Variants in ZNF324B observed in about 807,000 individuals in gnomAD.
ZNF324B encodes zinc finger protein 324B.
In ZNF324B, 7 loss-of-function variants were observed where a neutral mutation model predicts 10.6. The observed-to-expected ratio is 0.66, with a 90% confidence interval of 0.38 to 1.24. ZNF324B has a LOEUF of 1.24. Among genes scored for constraint, ZNF324B ranks in the 50% most tolerant of loss-of-function variants. ZNF324B has a pLI of 0.02. For synonymous variants in ZNF324B, 316 were observed against 321.0 expected (o/e 0.98, Z 0.17); for missense variants, 640 against 764.7 (o/e 0.84, Z 1.92).
chr19:58,453,033 C>G (rs1232180089), intron 1 of ZNF324B, among the ~76,000 whole-genome samples: 3 of 151,726 alleles, frequency 2.0e-5, no homozygotes, highest in Admixed American at 6.6e-5. Flanking sequence ...CGAGATTGCC[C>G]CACTGCACTC....
At chr19:58,421,024 C>T in the ZNF324B span, among the ~76,000 whole-genome samples, 10 of 149,628 alleles carry the variant, frequency 6.7e-5, no homozygotes, top group Admixed American at 1.3e-4. Flanking sequence ...CTTTTAAAGA[C>T]ATACGAGATG....
the ZNF324B span, chr19:58,443,425 C>T: frequency 3.9e-5 from 6 of 152,316 alleles, no homozygotes; most frequent in Non-Finnish European, 8.8e-5. Context: ...ATAAACAACC[C>T]CCACACCTTC....
At chr19:58,427,088 A>C in the ZNF324B span, among the ~76,000 whole-genome samples, 2 of 151,966 alleles carry the variant, frequency 1.3e-5, no homozygotes, top group East Asian at 3.9e-4. Flanking sequence ...GTAGGACTCT[A>C]CTCATGTATT....
At chr19:58,433,645 T>A in the ZNF324B span, 3 of 1,614,164 alleles carry the variant, frequency 1.9e-6, no homozygotes, top group Non-Finnish European at 2.5e-6. Context: ...TTCACTGCAT[T>A]TATAAGGCTT....
At chr19:58,443,816 C>T in the ZNF324B span, 1 of 152,254 alleles carries the variant, frequency 6.6e-6, no homozygotes, top group African/African-American at 2.4e-5. Context: ...TCAGTTCTTT[C>T]CAGCTATATA....
At chr19:58,433,807 C>A in the ZNF324B span, 1 of 1,614,180 alleles carries the variant, frequency 6.2e-7, no homozygotes. Context: ...CCCACACTCA[C>A]TACACTCGTA....
At chr19:58,431,697 T>C in the ZNF324B span, among the ~76,000 whole-genome samples, 1 of 152,132 alleles carries the variant, frequency 6.6e-6, no homozygotes, top group Non-Finnish European at 1.5e-5. Context: ...ATAAGCTTTT[T>C]AAAATAGGTG....
upstream of ZNF324B, among the ~76,000 whole-genome samples, chr19:58,448,320 G>T (rs777000381): frequency 1.3e-5 from 2 of 152,258 alleles, no homozygotes; most frequent in African/African-American, 4.8e-5. Context: ...TGGAGATGAA[G>T]TTGTTGGGAA....
At chr19:58,453,985 C>T (rs544566316) in intron 2 of ZNF324B, among the ~76,000 whole-genome samples, 163 bp downstream of exon 2, 16 of 152,292 alleles carry the variant, frequency 1.1e-4, no homozygotes, top group South Asian at 8.3e-4. Context: ...CACTCCTTGC[C>T]GCCCTGTCCA....
At chr19:58,448,442 G>T (rs949171228), upstream of ZNF324B, among the ~76,000 whole-genome samples, 1 of 152,204 alleles carries the variant, frequency 6.6e-6, no homozygotes, top group African/African-American at 2.4e-5. Context: ...TAAAGTATCT[G>T]GTCCGGGTGC....
the ZNF324B span, among the ~76,000 whole-genome samples, chr19:58,446,527 C>T: frequency 6.6e-6 from 1 of 151,192 alleles, no homozygotes; most frequent in Admixed American, 6.6e-5. Flanking sequence ...TTGACATGGA[C>T]ATGACCCCAT....
chr19:58,427,497 T>TTC, the ZNF324B span, among the ~76,000 whole-genome samples: 246 of 64,150 alleles, frequency 3.8e-3, 3 homozygotes, highest in Middle Eastern at 0.011. Flanking sequence ...TTCCTTCCTT[T>TTC]CTTTCTTTTT....
rs2052910311 is a variant in ZNF324B, at chr19:58,455,670, C to T, written c.726C>T (p.Thr242=). ...TCCTCGGTGGCCAGGAGCCCTCGAC[C>T]TGGGACGAGCTGGGCGAGGCTCTTC... The part of the protein sequence containing the change: ...HRLLGGQEPS[T]WDELGEALHA... The change falls in exon 4 of 4, where the codon ACC becomes ACT. Residue 242 remains threonine (T), a synonymous_variant. Transcript: ENST00000336614. The surrounding 1 kb of genome is among the most constrained non-coding windows in gnomAD (Gnocchi z 7.0). 1 of 1,613,454 alleles carries T rather than the reference C, an allele frequency of 6.2e-7. No homozygotes were observed. The highest frequency in any genetic ancestry group is 8.5e-7 in the Non-Finnish European group (1 of 1,179,846).
the ZNF324B span, chr19:58,442,959 T>C: frequency 1.3e-5 from 2 of 152,284 alleles, no homozygotes; most frequent in African/African-American, 4.8e-5. Context: ...TTTATTCTAT[T>C]TGGCCCTGCC....
At chr19:58,425,099 A>C in the ZNF324B span, among the ~76,000 whole-genome samples, 1 of 150,930 alleles carries the variant, frequency 6.6e-6, no homozygotes, top group Non-Finnish European at 1.5e-5. Flanking sequence ...CTAAAAATAC[A>C]AAAAAAATCA....
At chr19:58,434,848 T>C in the ZNF324B span, 1 of 1,614,180 alleles carries the variant, frequency 6.2e-7, no homozygotes, top group Non-Finnish European at 8.5e-7. Flanking sequence ...CAGGATGACC[T>C]TCCCACCTTC....
the ZNF324B span, chr19:58,436,992 G>A: frequency 6.2e-7 from 1 of 1,611,432 alleles, no homozygotes; most frequent in South Asian, 1.1e-5. Flanking sequence ...AGCTTTCTAT[G>A]GGGAAAAGAC....
the ZNF324B span, chr19:58,437,205 C>A: frequency 1.3e-6 from 2 of 1,598,444 alleles, no homozygotes; most frequent in East Asian, 4.5e-5. Context: ...GCCACAGGGC[C>A]AAGAAGTATG....
At chr19:58,453,905 G>T (rs552382712) in intron 2 of ZNF324B, 83 bp downstream of exon 2, 1 of 1,550,334 alleles carries the variant, frequency 6.5e-7, no homozygotes. Context: ...TGATGAGCAG[G>T]ATCAAATCTG....
Sources: allele counts gnomAD v4.1 joint callset (sites outside exome capture counted in the v4.1 genomes callset), GRCh38; gene constraint gnomAD v4.1.1; non-coding constraint Gnocchi (gnomAD v3.1); transcripts MANE v1.5; gene names NCBI Gene and HGNC (gene_info 2026-07-23, HGNC 2026-07-21).